Variants in SLC7A9 observed in about 807,000 individuals in gnomAD.
SLC7A9 encodes B(0,+)-type amino acid transporter 1.
Under a neutral mutation model 54.1 loss-of-function variants are expected in SLC7A9, and 38 were observed. That is an observed-to-expected ratio of 0.70 (90% CI 0.54 to 0.92). The LOEUF (loss-of-function observed/expected upper bound fraction) is 0.92, where lower values mean the gene tolerates loss of function less well. Ranked by LOEUF, SLC7A9 falls within the 40% of genes least tolerant of loss-of-function variation. The pLI is 0.00. For synonymous variants in SLC7A9, 264 were observed against 258.9 expected, an observed-to-expected ratio of 1.02 and a Z score of -0.19; for missense variants, 537 against 636.1, an observed-to-expected ratio of 0.84 and a Z score of 1.68.
chr19:32,838,866 A>G (rs953939013), intron 11 of SLC7A9, among the ~76,000 whole-genome samples: 21 of 150,480 alleles, frequency 1.4e-4, no homozygotes, highest in African/African-American at 5.1e-4. Flanking sequence ...GTACACATAT[A>G]TGTATATATT....
At chr19:32,855,397 C>T (rs1329723863) in intron 9 of SLC7A9, among the ~76,000 whole-genome samples, 3 of 152,050 alleles carry the variant, frequency 2.0e-5, no homozygotes, top group Admixed American at 2.0e-4. Flanking sequence ...ATCGCCAGTC[C>T]CTCAGCTAAT....
At chr19:32,856,498 A>C (rs1968632309) in intron 9 of SLC7A9, among the ~76,000 whole-genome samples, 1 of 152,116 alleles carries the variant, frequency 6.6e-6, no homozygotes, top group Non-Finnish European at 1.5e-5. Context: ...CCAGCCAGTG[A>C]ATTTTTAATG....
In SLC7A9 at chr19:32,830,600, G is replaced by C; in HGVS notation, c.*20C>G. ...TAAGAAAATAAATTCAGCTGACTTG[G>C]CTACAAGAGACGGAGCTTGTTACTC... is the stretch of plus-strand genomic sequence containing the variant. On this transcript the variant is annotated 3_prime_UTR_variant, in exon 13 of 13. Coordinates refer to ENST00000023064, the MANE Select transcript of SLC7A9 (RefSeq NM_014270.5). The C allele has an allele frequency of 6.3e-7, 1 of 1,594,746 alleles. No individual in the cohort carries two copies. The highest frequency in any genetic ancestry group is 1.7e-4 in the Middle Eastern group (1 of 5,934).
rs779038776 is a variant in SLC7A9, at chr19:32,843,876, T to C, written c.1053A>G (p.Pro351=). 6.2e-7 allele frequency: 1 copy of C among 1,613,716 alleles called. No homozygotes were observed. The highest frequency in any genetic ancestry group is 1.1e-5 in the South Asian group (1 of 91,052). The change falls in exon 10 of 13, where the codon CCA becomes CCG. Residue 351 remains proline, a synonymous_variant. Transcript: ENST00000023064. Reference sequence around the variant, plus strand: ...TCACATAAAAGATGATGGCGGGGGCTGGAGTGAGGCGCCTGACGCTGATGT... The same window carrying C: ...TCACATAAAAGATGATGGCGGGGGCCGGAGTGAGGCGCCTGACGCTGATGT... ...LSYISVRRLT[P]APAIIFYGII...
chr19:32,845,446 G>T (rs1428111598), intron 9 of SLC7A9, among the ~76,000 whole-genome samples: 1 of 151,280 alleles, frequency 6.6e-6, no homozygotes, highest in South Asian at 2.1e-4. Flanking sequence ...AGTGAGCCGA[G>T]ATCTCACCAT....
chr19:32,853,780 G>A (rs985941846), intron 9 of SLC7A9, among the ~76,000 whole-genome samples: 1 of 152,020 alleles, frequency 6.6e-6, no homozygotes, highest in African/African-American at 2.4e-5. Context: ...AGCCAGGTGT[G>A]ATGGTATATG....
chr19:32,830,711 A>G, intron 12 of SLC7A9, 27 bp from the exon 13 acceptor site: 1 of 1,587,934 alleles, frequency 6.3e-7, no homozygotes, highest in Non-Finnish European at 8.6e-7. Flanking sequence ...AAATGAGTAC[A>G]GTTAGTTAGA....
At chr19:32,848,598 C>T (rs552031465) in intron 9 of SLC7A9, among the ~76,000 whole-genome samples, 2 of 152,176 alleles carry the variant, frequency 1.3e-5, no homozygotes, top group East Asian at 3.9e-4. Context: ...GACTTTAACA[C>T]CCCACTGTCA....
chr19:32,837,638 A>T (rs1968001274), intron 11 of SLC7A9, among the ~76,000 whole-genome samples: 1 of 152,184 alleles, frequency 6.6e-6, no homozygotes, highest in Admixed American at 6.6e-5. Flanking sequence ...CAAACAGTTA[A>T]CATGGTTGTT....
At chr19:32,858,658 C>T in intron 8 of SLC7A9, 115 bp from the exon 9 acceptor site, 1 of 753,508 alleles carries the variant, frequency 1.3e-6, no homozygotes, top group Non-Finnish European at 2.3e-6. Flanking sequence ...CGCCTCGGGG[C>T]ACAGCCTCTG....
intron 5 of SLC7A9, 109 bp downstream of exon 5, chr19:32,862,352 T>A: frequency 1.3e-6 from 2 of 1,528,230 alleles, no homozygotes; most frequent in Non-Finnish European, 1.8e-6. Context: ...TCCCACCGAG[T>A]TCCTGCCATG....
chr19:32,862,657 A>G, intron 4 of SLC7A9, 71 bp from the exon 5 acceptor site: 1 of 1,372,538 alleles, frequency 7.3e-7, no homozygotes, highest in South Asian at 1.5e-5. Context: ...CCTTTCTTTT[A>G]TATATTTTTT....
chr19:32,860,014 C>G (rs202041433), intron 7 of SLC7A9, 50 bp from the exon 8 acceptor site: 2 of 1,613,784 alleles, frequency 1.2e-6, no homozygotes, highest in South Asian at 2.2e-5. Flanking sequence ...CAGCCTCCCG[C>G]GGAAGATGGA....
chr19:32,843,987 G>A (rs1170691008), intron 9 of SLC7A9, 36 bp from the exon 10 acceptor site: 5 of 1,486,376 alleles, frequency 3.4e-6, no homozygotes, highest in African/African-American at 1.4e-5. Context: ...GCTGACCAGA[G>A]TGCAGACCAT....
At chr19:32,847,125 T>C (rs1054561449) in intron 9 of SLC7A9, among the ~76,000 whole-genome samples, 1 of 152,032 alleles carries the variant, frequency 6.6e-6, no homozygotes, top group South Asian at 2.1e-4. Context: ...AAAAGCAGAG[T>C]GCCTCTCCTC....
intron 9 of SLC7A9, among the ~76,000 whole-genome samples, chr19:32,844,312 T>G (rs1313854997): frequency 6.6e-6 from 1 of 152,168 alleles, no homozygotes; most frequent in East Asian, 1.9e-4. Context: ...TACCATTTAT[T>G]TGTGTTGGGA....
chr19:32,848,293 T>G (rs969378317), intron 9 of SLC7A9, among the ~76,000 whole-genome samples: 2 of 152,126 alleles, frequency 1.3e-5, no homozygotes, highest in African/African-American at 2.4e-5. Context: ...AGGAAACCTA[T>G]CTCACATGCA....
At chr19:32,852,822 G>C (rs1053151721) in intron 9 of SLC7A9, among the ~76,000 whole-genome samples, 1 of 151,328 alleles carries the variant, frequency 6.6e-6, no homozygotes, top group African/African-American at 2.4e-5. Context: ...AATTCTAAGT[G>C]TATAGGGAAT....
chr19:32,844,551 G>T (rs1273590405), intron 9 of SLC7A9, among the ~76,000 whole-genome samples: 1 of 151,918 alleles, frequency 6.6e-6, no homozygotes, highest in Non-Finnish European at 1.5e-5. Context: ...AAAAATTTCG[G>T]CCAGGCACAG....
Sources: gnomAD v4.1 joint callset for allele counts (sites outside exome capture counted in the v4.1 genomes callset) on GRCh38, gnomAD v4.1.1 for gene constraint, MANE v1.5 for transcripts, NCBI Gene and HGNC (gene_info 2026-07-23, HGNC 2026-07-21) for gene names.